The following NUB1 variants were observed in gnomAD, a reference collection of about 807,000 sequenced individuals.
NUB1 encodes the protein negative regulator of ubiquitin like proteins 1, also known as NEDD8 ultimate buster 1.
NUB1 carries 41 observed loss-of-function variants against 77.1 expected under a neutral mutation model. The ratio of observed to expected loss-of-function variants is 0.53; its 90% CI spans 0.41 to 0.69. The LOEUF is 0.69. Among genes scored for constraint, NUB1 ranks in the 30% least tolerant of loss-of-function variants. NUB1 has a pLI of 0.00. For synonymous variants in NUB1, 257 were observed against 281.0 expected, an observed-to-expected ratio of 0.91 and a Z score of 0.85; for missense variants, 643 against 743.8, an observed-to-expected ratio of 0.86 and a Z score of 1.58.
chr7:151,341,877 C>A (rs1252359710), intron 1 of NUB1, 31 bp downstream of exon 1: 1 of 1,486,798 alleles, frequency 6.7e-7, no homozygotes, highest in Admixed American at 2.3e-5. Context: ...TGTCCTCGAC[C>A]CCAGCCTCAG....
chr7:151,365,514 C>A (rs971113645), intron 8 of NUB1, among the ~76,000 whole-genome samples: 1 of 152,176 alleles, frequency 6.6e-6, no homozygotes, highest in African/African-American at 2.4e-5. Flanking sequence ...TGCTTTCCTG[C>A]GAGTGGCAGG....
chr7:151,343,326 C>A (rs1796304649), intron 1 of NUB1, among the ~76,000 whole-genome samples: 1 of 152,120 alleles, frequency 6.6e-6, no homozygotes, highest in South Asian at 2.1e-4. Flanking sequence ...CTTGTCCCCG[C>A]ACTGACATAA....
At position 151,355,872 on chromosome 7, in the gene NUB1, G is replaced by C. The variant is rs750533197; in HGVS notation, c.520G>C (p.Glu174Gln). 6.2e-7 allele frequency: 1 copy of C among 1,613,664 alleles called. No homozygotes were observed. The highest frequency in any genetic ancestry group is 8.5e-7 in the Non-Finnish European group (1 of 1,179,820). ...GAGGAAAAACTTCCAGTTAGAGGAAGAGGAGCAAAATGAGGCCAAACTCAA... is the reference window on the plus strand; with the variant it reads ...GAGGAAAAACTTCCAGTTAGAGGAACAGGAGCAAAATGAGGCCAAACTCAA... ...DARKNFQLEE[E>Q]EQNEAKLKEK... Residue 174 changes from glutamate to glutamine, a missense_variant, in exon 6 of 15, where the codon GAG becomes CAG. Transcript: ENST00000568733.
chr7:151,364,738 C>T (rs1797584437), intron 8 of NUB1, among the ~76,000 whole-genome samples: 1 of 152,012 alleles, frequency 6.6e-6, no homozygotes, highest in Non-Finnish European at 1.5e-5. Flanking sequence ...CTGGTCTTGA[C>T]CCTCTGACCT....
intron 3 of NUB1, among the ~76,000 whole-genome samples, chr7:151,350,680 A>G (rs1271431284): frequency 6.6e-6 from 1 of 152,218 alleles, no homozygotes; most frequent in Non-Finnish European, 1.5e-5. Flanking sequence ...TTCTAGTGTA[A>G]CTATTCTTAT....
At chr7:151,368,678 G>A (rs1797813928) in intron 10 of NUB1, 57 bp from the exon 11 acceptor site, 1 of 1,513,636 alleles carries the variant, frequency 6.6e-7, no homozygotes, top group South Asian at 1.3e-5. Flanking sequence ...CTTTCACTTT[G>A]TATTAAGCTT....
At position 151,375,904 on chromosome 7, in the gene NUB1, C is replaced by A. The variant is rs561964757; in HGVS notation, c.1452C>A (p.Asp484Glu). 6.2e-7 allele frequency: 1 copy of A among 1,613,452 alleles called. No homozygotes were observed. The highest frequency in any genetic ancestry group is 8.5e-7 in the Non-Finnish European group (1 of 1,179,384). Residue 484 changes from aspartate to glutamate, a missense_variant, in exon 13 of 15, where the codon GAC (aspartate) becomes GAA (glutamate). Coordinates refer to ENST00000568733, the MANE Select transcript of NUB1 (RefSeq NM_001243351.2). ...WWLNDSNPET[D>E]NRQESPSQEN... ...TAAATGATTCCAATCCTGAAACCGA[C>A]AACCGTCAAGAAAGTCCTTCCCAGG...
rs761887512 is a variant in NUB1 at position 151,368,736 on chromosome 7, C to T, written c.1097C>T (p.Ala366Val). The T allele has an allele frequency of 1.1e-5, 18 of 1,601,134 alleles. No individual in the cohort carries two copies. Among genetic ancestry groups the T allele is most frequent in the Non-Finnish European group, 1.4e-5 (17 of 1,173,622 alleles). ...DVEAYEYLNK[A>V]RQLFKELYID... ...ATTCTTACATTTCCCTGTCTCTAGG[C>T]ACGTCAGCTCTTTAAAGAGCTATAT... The change falls in exon 11 of 15, where the codon GCA becomes GTA. Residue 366 changes from alanine to valine, a missense_variant and splice_region_variant. Coordinates refer to ENST00000568733, the MANE Select transcript of NUB1 (RefSeq NM_001243351.2).
intron 1 of NUB1, among the ~76,000 whole-genome samples, chr7:151,343,833 T>C (rs1796326245): frequency 6.6e-6 from 1 of 152,092 alleles, no homozygotes; most frequent in African/African-American, 2.4e-5. Flanking sequence ...TGAGTCATGG[T>C]ACAAACTCAG....
chr7:151,369,072 A>G (rs532002403), intron 11 of NUB1, 185 bp downstream of exon 11: 12 of 578,484 alleles, frequency 2.1e-5, no homozygotes, highest in Non-Finnish European at 3.0e-5. Context: ...CAGTGGCACG[A>G]TCTTGGCTCA....
intron 11 of NUB1, among the ~76,000 whole-genome samples, chr7:151,371,110 C>A (rs1325544097): frequency 6.6e-6 from 1 of 152,074 alleles, no homozygotes; most frequent in African/African-American, 2.4e-5. Context: ...AATAAAAAAA[C>A]CAGTGTATAT....
chr7:151,374,190 G>C lies in NUB1; in HGVS notation c.1342G>C (p.Ala448Pro). 1 of 1,573,182 alleles carries C rather than the reference G, an allele frequency of 6.4e-7. No homozygotes were observed. The highest frequency in any genetic ancestry group is 8.6e-7 in the Non-Finnish European group (1 of 1,159,738). The change falls in exon 12 of 15, where the codon GCG becomes CCG. Residue 448 changes from alanine to proline, a missense_variant. By Grantham distance (27) the Ala-to-Pro change is conservative (BLOSUM62 -1). Coordinates refer to ENST00000568733, the MANE Select transcript of NUB1 (RefSeq NM_001243351.2). ...GAAAGGGATGGGCTACTCCACGCAC[G>C]CGGCCCAGCAGGTACTCCACGCAGC... ...FLKGMGYSTH[A>P]AQQVLHAASG...
chr7:151,362,722 CAGAG>C (rs1325419119), intron 8 of NUB1, among the ~76,000 whole-genome samples: 2 of 152,194 alleles, frequency 1.3e-5, no homozygotes, highest in Non-Finnish European at 2.9e-5. Context: ...AGCAAGCTGC[CAGAG>C]AGAGGGTGTC....
chr7:151,371,116 T>A (rs1224982577), intron 11 of NUB1, among the ~76,000 whole-genome samples: 1 of 152,110 alleles, frequency 6.6e-6, no homozygotes, highest in Non-Finnish European at 1.5e-5. Flanking sequence ...AAAACCAGTG[T>A]ATATAGTGCA....
intron 14 of NUB1, 35 bp downstream of exon 14, chr7:151,376,846 CAA>C: frequency 6.5e-7 from 1 of 1,543,848 alleles, no homozygotes; most frequent in Non-Finnish European, 8.8e-7. Context: ...GCATTGAGAG[CAA>C]AGTGTCTTCA....
At chr7:151,346,130 G>A (rs1166243890) in intron 2 of NUB1, among the ~76,000 whole-genome samples, 1 of 152,148 alleles carries the variant, frequency 6.6e-6, no homozygotes, top group Non-Finnish European at 1.5e-5. Context: ...AGGGACTAAG[G>A]ATTGTCATGA....
intron 9 of NUB1, 55 bp from the exon 10 acceptor site, chr7:151,367,806 A>G (rs1292647490): frequency 2.8e-5 from 31 of 1,108,922 alleles, no homozygotes; most frequent in Non-Finnish European, 4.0e-6. Flanking sequence ...TGAGTATTAT[A>G]GACCTGTAAT....
chr7:151,354,975 C>T (rs959251727), intron 5 of NUB1, among the ~76,000 whole-genome samples: 3 of 152,188 alleles, frequency 2.0e-5, no homozygotes, highest in African/African-American at 7.2e-5. Flanking sequence ...AACTCCGGGG[C>T]TCAAGTGATC....
chr7:151,344,770 T>A (rs2994485), intron 1 of NUB1, among the ~76,000 whole-genome samples: 1 of 152,116 alleles, frequency 6.6e-6, no homozygotes, highest in African/African-American at 2.4e-5. Flanking sequence ...GAGACCAAGG[T>A]GGGTGGATCA....
Sources: gnomAD v4.1 joint callset for allele counts (sites outside exome capture counted in the v4.1 genomes callset) on GRCh38, gnomAD v4.1.1 for gene constraint, MANE v1.5 for transcripts, NCBI Gene and HGNC (gene_info 2026-07-23, HGNC 2026-07-21) for gene names.